The following GAREM1 variants were observed in gnomAD, a reference collection of about 807,000 sequenced individuals.
The protein encoded by GAREM1 is GRB2-associated and regulator of MAPK protein 1.
In GAREM1, 26 loss-of-function variants were observed where a neutral mutation model predicts 71.3. That is an observed-to-expected ratio of 0.36 (90% CI 0.27 to 0.51). The LOEUF (loss-of-function observed/expected upper bound fraction) is 0.51, where lower values mean the gene tolerates loss of function less well. Among genes scored for constraint, GAREM1 ranks in the 20% least tolerant of loss-of-function variants. GAREM1 has a pLI of 0.95. For synonymous variants in GAREM1, 440 were observed against 433.2 expected, an observed-to-expected ratio of 1.02 and a Z score of -0.20; for missense variants, 1,026 against 1,103.1, an observed-to-expected ratio of 0.93 and a Z score of 0.99.
intron 1 of GAREM1, among the ~76,000 whole-genome samples, chr18:32,430,713 A>C (rs756486494): frequency 1.3e-5 from 2 of 152,228 alleles, no homozygotes; most frequent in Non-Finnish European, 2.9e-5. Context: ...AAGTAATGAC[A>C]GTGGCGGCAA....
chr18:32,402,503 C>T (rs1306053918), intron 1 of GAREM1, among the ~76,000 whole-genome samples: 2 of 148,156 alleles, frequency 1.3e-5, no homozygotes, highest in Middle Eastern at 3.2e-3. Flanking sequence ...GCTCTTTTGG[C>T]TTCTGTGCCA....
At chr18:32,368,867 C>T (rs970629657) in intron 2 of GAREM1, among the ~76,000 whole-genome samples, 1 of 152,008 alleles carries the variant, frequency 6.6e-6, no homozygotes, top group Admixed American at 6.5e-5. Flanking sequence ...ATTAAACCAA[C>T]AAAAGGTAAT....
chr18:32,319,104 T>C (rs736218), intron 2 of GAREM1, among the ~76,000 whole-genome samples: 27,036 of 152,142 alleles, frequency 0.18, 3,761 homozygotes, highest in African/African-American at 0.39. Flanking sequence ...TGAACTTTTC[T>C]TCTCTTACCT....
At chr18:32,449,300 T>C (rs898581341) in intron 1 of GAREM1, among the ~76,000 whole-genome samples, 2 of 152,226 alleles carry the variant, frequency 1.3e-5, no homozygotes, top group African/African-American at 4.8e-5. Context: ...GAGTTACTTT[T>C]AACAGTTTTA....
At chr18:32,441,713 G>A (rs367582519) in intron 1 of GAREM1, among the ~76,000 whole-genome samples, 10 of 152,104 alleles carry the variant, frequency 6.6e-5, no homozygotes, top group East Asian at 1.9e-4. Flanking sequence ...CTCCTTCTTC[G>A]GACACAAGCC....
chr18:32,346,177 A>C (rs1378838936), intron 2 of GAREM1, among the ~76,000 whole-genome samples: 1 of 152,042 alleles, frequency 6.6e-6, no homozygotes, highest in Non-Finnish European at 1.5e-5. Flanking sequence ...GTCTCTTCAC[A>C]TGTCTGGTTA....
At chr18:32,457,885 C>T (rs1456104556) in intron 1 of GAREM1, among the ~76,000 whole-genome samples, 1 of 152,026 alleles carries the variant, frequency 6.6e-6, no homozygotes, top group East Asian at 1.9e-4. Context: ...GGATCTATGT[C>T]CAGAGAGAAT....
At chr18:32,416,746 C>A (rs1448089787) in intron 1 of GAREM1, among the ~76,000 whole-genome samples, 1 of 152,120 alleles carries the variant, frequency 6.6e-6, no homozygotes, top group African/African-American at 2.4e-5. Flanking sequence ...AGATTGAAAT[C>A]TAAGACCTCA....
rs569964220 is a variant in GAREM1 at position 32,317,506 on chromosome 18, T to C, written c.263-7183A>G. 2.0e-5 allele frequency among the ~76,000 whole-genome samples: 3 copies of C among 152,146 alleles called. No homozygotes were observed. The East Asian group carries it at 5.8e-4, about 29-fold the overall frequency. ...TTGTAAGGTACCTGAAATCACATTC[T>C]AAGTTGCTCATGTTTGTCTTTGAAT... is the stretch of plus-strand genomic sequence containing the variant. On this transcript the variant is annotated intron_variant, in intron 2 of 5. Transcript: ENST00000269209.
At chr18:32,352,599 G>T (rs2047762931) in intron 2 of GAREM1, among the ~76,000 whole-genome samples, 2 of 152,086 alleles carry the variant, frequency 1.3e-5, no homozygotes, top group African/African-American at 4.8e-5. Context: ...GAGATAAAGT[G>T]GAACAGAAAG....
In GAREM1 at chr18:32,268,383, C is replaced by A; in HGVS notation, c.2119G>T (p.Asp707Tyr). ...ACACCAGCTGCAAGAGATTTCACAT[C>A]TGTGCTCTCCAGAGAGTAGCTGGCT... Reference protein sequence around the residue: ...KSASYSLESTDVKSLAAGVTK... With the variant: ...KSASYSLESTYVKSLAAGVTK... The change falls in exon 6 of 6, where the codon GAT becomes TAT. Residue 707 changes from aspartate (D) to tyrosine (Y), a missense_variant. Asp to Tyr is a radical substitution (Grantham distance 160). Coordinates refer to ENST00000269209, the MANE Select transcript of GAREM1 (RefSeq NM_001242409.2). The A allele has an allele frequency of 1.2e-6, 2 of 1,614,184 alleles. No individual in the cohort carries two copies. Among genetic ancestry groups the A allele is most frequent in the Non-Finnish European group, 1.7e-6 (2 of 1,180,030 alleles).
intron 2 of GAREM1, among the ~76,000 whole-genome samples, chr18:32,361,710 G>C (rs1326488134): frequency 2.0e-5 from 3 of 152,102 alleles, no homozygotes; most frequent in Admixed American, 6.5e-5. Flanking sequence ...AATTATTTTA[G>C]AAAAATTTGT....
At chr18:32,434,852 T>C (rs959297935) in intron 1 of GAREM1, among the ~76,000 whole-genome samples, 2 of 152,018 alleles carry the variant, frequency 1.3e-5, no homozygotes, top group Non-Finnish European at 2.9e-5. Flanking sequence ...TCCAAGTAAC[T>C]CTCTCCAAAT....
chr18:32,327,434 T>C (rs2047484602), intron 2 of GAREM1, among the ~76,000 whole-genome samples: 2 of 152,194 alleles, frequency 1.3e-5, no homozygotes, highest in African/African-American at 4.8e-5. Flanking sequence ...ATGAAGTATT[T>C]AGCCTTGCAA....
chr18:32,432,246 C>T (rs1160429450), intron 1 of GAREM1, among the ~76,000 whole-genome samples: 2 of 151,938 alleles, frequency 1.3e-5, no homozygotes, highest in Non-Finnish European at 2.9e-5. Flanking sequence ...TTTTTAGTGT[C>T]TTATGGGATA....
intron 2 of GAREM1, among the ~76,000 whole-genome samples, chr18:32,391,156 C>T (rs1410016001): frequency 6.6e-6 from 1 of 152,160 alleles, no homozygotes; most frequent in Non-Finnish European, 1.5e-5. Flanking sequence ...GACGGCTGAA[C>T]CCTCCTGATG....
intron 2 of GAREM1, among the ~76,000 whole-genome samples, chr18:32,325,702 C>T (rs2047468430): frequency 6.6e-6 from 1 of 152,156 alleles, no homozygotes; most frequent in Non-Finnish European, 1.5e-5. Context: ...GATCGTTTTG[C>T]TCCCAAATCT....
intron 1 of GAREM1, among the ~76,000 whole-genome samples, chr18:32,446,414 A>G (rs2048787138): frequency 6.6e-6 from 1 of 152,178 alleles, no homozygotes; most frequent in Non-Finnish European, 1.5e-5. Flanking sequence ...ACCTATAAAC[A>G]CAATTTCCAT....
intron 3 of GAREM1, among the ~76,000 whole-genome samples, chr18:32,309,628 A>AG (rs2047293769): frequency 2.0e-5 from 3 of 149,706 alleles, no homozygotes; most frequent in Non-Finnish European, 4.5e-5. Context: ...AAAAAAAAAA[A>AG]AAAAAAAAAA....
Sources: gnomAD v4.1 joint callset for allele counts (sites outside exome capture counted in the v4.1 genomes callset) on GRCh38, gnomAD v4.1.1 for gene constraint, MANE v1.5 for transcripts, NCBI Gene and HGNC (gene_info 2026-07-23, HGNC 2026-07-21) for gene names.